The following SS18L1 variants were observed in gnomAD, a reference collection of about 807,000 sequenced individuals.
SS18L1 encodes SS18L1 subunit of BAF chromatin remodeling complex.
In SS18L1, 32 loss-of-function variants were observed where a neutral mutation model predicts 70.3. The ratio of observed to expected loss-of-function variants is 0.46; its 90% CI spans 0.34 to 0.61. The LOEUF is 0.61. Among genes scored for constraint, SS18L1 ranks in the 20% least tolerant of loss-of-function variants. SS18L1 has a pLI of 0.01. For missense variants in SS18L1, 430 were observed against 542.1 expected (o/e 0.79, Z 2.05); for synonymous variants, 237 against 229.7 (o/e 1.03, Z -0.29).
At chr20:62,154,399 C>A in intron 1 of SS18L1, 1 of 1,047,256 alleles carries the variant, frequency 9.5e-7, no homozygotes, top group Non-Finnish European at 1.2e-6. Flanking sequence ...GCGGTTTCGG[C>A]GGACTAGAAT....
intron 1 of SS18L1, among the ~76,000 whole-genome samples, chr20:62,145,670 G>A (rs933350671): frequency 2.0e-5 from 3 of 152,196 alleles, no homozygotes; most frequent in Non-Finnish European, 4.4e-5. Flanking sequence ...GTGGACCGTG[G>A]GTCCCTGGGC....
intron 5 of SS18L1, 147 bp from the exon 6 acceptor site, chr20:62,163,311 A>G: frequency 8.6e-7 from 1 of 1,166,126 alleles, no homozygotes; most frequent in Non-Finnish European, 1.2e-6. Context: ...CACGTAGGGG[A>G]GGCGTGCCTT....
intron 1 of SS18L1, chr20:62,154,163 C>T (rs2057181708): frequency 4.0e-6 from 1 of 250,342 alleles, no homozygotes; most frequent in Admixed American, 6.3e-5. Context: ...ACTGTGACTT[C>T]CCAGTTGTCC....
chr20:62,162,504 A>G lies in SS18L1; in HGVS notation c.377-248A>G, dbSNP rs1404420108. The G allele has an allele frequency of 3.2e-5, 14 of 434,430 alleles. 1 individual carries two copies. In the Admixed American group the frequency reaches 5.3e-4, roughly 16 times the overall value. 26.9% of individuals were successfully genotyped at this position (434,430 alleles called of 1,614,324 possible). A position where few individuals can be genotyped will look rare whatever the true frequency, so the allele number is the denominator to read the frequency against. ...TTTTTAGTAGAGACGGGGTTTCACC[A>G]TGTTGTCCAGGCTGGTTTCGAACTC... On this transcript the variant is annotated intron_variant, in intron 4 of 10. Transcript: ENST00000331758.
At chr20:62,150,327 T>C (rs1031488937) in intron 1 of SS18L1, among the ~76,000 whole-genome samples, 1 of 152,116 alleles carries the variant, frequency 6.6e-6, no homozygotes, top group Admixed American at 6.5e-5. Context: ...GAAGGACTGC[T>C]GATGGGTCAG....
chr20:62,169,096 C>T (rs922526845), intron 8 of SS18L1, among the ~76,000 whole-genome samples: 11 of 152,134 alleles, frequency 7.2e-5, no homozygotes, highest in African/African-American at 2.7e-4. Context: ...GCGAGTCCCG[C>T]GTTCGCGTCA....
At position 62,161,767 on chromosome 20, in the gene SS18L1, C is replaced by G. The variant is rs910221008; in HGVS notation, c.376+187C>G. Among the ~76,000 whole-genome samples, 1 of 152,252 alleles carries G rather than the reference C, an allele frequency of 6.6e-6. No individual in the cohort carries two copies. The highest frequency in any genetic ancestry group is 2.4e-5 in the African/African-American group (1 of 41,468). On this transcript the variant is annotated intron_variant, in intron 4 of 10. Coordinates refer to ENST00000331758, the MANE Select transcript of SS18L1 (RefSeq NM_198935.3). The surrounding 1 kb of genome is among the most constrained non-coding windows in gnomAD (Gnocchi z 4.4). ...GGGCCGCAGCGAGCGTGCCGTGCGG[C>G]TGGGCTGAGCCCCTGCTCCAGTTGT...
At position 62,161,292 on chromosome 20, in the gene SS18L1, G is replaced by A. The variant is rs972687974; in HGVS notation, c.232-144G>A. On this transcript the variant is annotated intron_variant, in intron 3 of 10. Transcript: ENST00000331758. The surrounding 1 kb of genome is among the most constrained non-coding windows in gnomAD (Gnocchi z 4.4). ...TGCTCTGCGGTCACCTGGCTGTGACGATGGCTGCTGATTACGAACATTGAC... is the reference window on the plus strand; with the variant it reads ...TGCTCTGCGGTCACCTGGCTGTGACAATGGCTGCTGATTACGAACATTGAC... The A allele has an allele frequency of 1.2e-5, 14 of 1,169,994 alleles. No homozygotes were observed. Among genetic ancestry groups the A allele is most frequent in the Admixed American group, 3.9e-5 (2 of 50,812 alleles). The allele number at this position is 1,169,994 out of a possible 1,614,324, so 72.5% of individuals were successfully genotyped here.
chr20:62,176,253 C>T (rs2057617819), intron 10 of SS18L1, among the ~76,000 whole-genome samples: 1 of 152,236 alleles, frequency 6.6e-6, no homozygotes, highest in Admixed American at 6.5e-5. Flanking sequence ...CGTGGTGGCC[C>T]ATGCCTGTAA....
rs1449163228 is a variant in SS18L1 at position 62,182,476 on chromosome 20, TC to T, written c.*3269del. ...TGTAATCTCTTAATAAACTGGTTCT[TC>T]AAAAATCATCCTATAAAGTGAGTTT... On this transcript the variant is annotated 3_prime_UTR_variant, in exon 11 of 11. Coordinates refer to ENST00000331758, the MANE Select transcript of SS18L1 (RefSeq NM_198935.3). 1.1e-5 allele frequency: 2 copies of T among 187,352 alleles called. No individual in the cohort carries two copies. The highest frequency in any genetic ancestry group is 1.7e-4 in the East Asian group (2 of 11,516). 11.6% of individuals were successfully genotyped at this position (187,352 alleles called of 1,614,324 possible). A position where few individuals can be genotyped will look rare whatever the true frequency, so the allele number is the denominator to read the frequency against.
At position 62,181,435 on chromosome 20, in the gene SS18L1, A is replaced by AT. The variant is rs1308513705; in HGVS notation, c.*2232dup. 1 of 208,544 alleles carries AT rather than the reference A, an allele frequency of 4.8e-6. No individual in the cohort carries two copies. The allele number at this position is 208,544 out of a possible 1,614,324, so 12.9% of individuals were successfully genotyped here. A position where few individuals can be genotyped will look rare whatever the true frequency, so the allele number is the denominator to read the frequency against. ...TTTTAGATAACTGTGAAGATAGTTT[A>AT]TTTTTATTCCTTGCCAATCTGGGAA... On this transcript the variant is annotated 3_prime_UTR_variant, in exon 11 of 11. Coordinates refer to ENST00000331758, the MANE Select transcript of SS18L1 (RefSeq NM_198935.3).
chr20:62,158,942 G>A lies in SS18L1; in HGVS notation c.146+194G>A, dbSNP rs770663142. 6.3e-7 allele frequency: 1 copy of A among 1,582,432 alleles called. No homozygotes were observed. Among genetic ancestry groups the A allele is most frequent in the African/African-American group, 1.3e-5 (1 of 74,240 alleles). ...TGTCCCAGGAGTCCCCCAGCACGGA[G>A]GTCAGATATGTCCCGAGAGTCCCCC... On this transcript the variant is annotated intron_variant, in intron 2 of 10. Coordinates refer to ENST00000331758, the MANE Select transcript of SS18L1 (RefSeq NM_198935.3). The surrounding 1 kb of genome is among the most constrained non-coding windows in gnomAD (Gnocchi z 4.5).
chr20:62,163,393 T>G (rs2057367645), intron 5 of SS18L1, 65 bp from the exon 6 acceptor site: 3 of 1,555,896 alleles, frequency 1.9e-6, no homozygotes, highest in African/African-American at 1.4e-5. Context: ...CAGGAGGTAG[T>G]TGGGTGTGGG....
At chr20:62,165,603 T>G in intron 8 of SS18L1, 89 bp downstream of exon 8, 5 of 1,207,420 alleles carry the variant, frequency 4.1e-6, no homozygotes, top group Non-Finnish European at 5.9e-6. Context: ...ACGCGGTGCC[T>G]GCCTTCAGTG....
chr20:62,166,231 G>C (rs1442827915), intron 8 of SS18L1, among the ~76,000 whole-genome samples: 4 of 152,226 alleles, frequency 2.6e-5, no homozygotes, highest in Non-Finnish European at 5.9e-5. Context: ...GCGCAACCTC[G>C]TCCGGGAGGG....
At chr20:62,165,374 G>T in intron 7 of SS18L1, 48 bp from the exon 8 acceptor site, 2 of 1,569,596 alleles carry the variant, frequency 1.3e-6, no homozygotes. Flanking sequence ...TCCGGGACCT[G>T]TGCAGTGCAC....
chr20:62,175,377 A>T (rs906204189), intron 10 of SS18L1: 365 of 985,230 alleles, frequency 3.7e-4, no homozygotes, highest in Non-Finnish European at 4.3e-4. Flanking sequence ...GGGCCCCTGG[A>T]GGAGGACAGG....
chr20:62,165,944 C>G (rs1456886426), intron 8 of SS18L1, among the ~76,000 whole-genome samples: 1 of 152,176 alleles, frequency 6.6e-6, no homozygotes, highest in East Asian at 1.9e-4. Flanking sequence ...TGGGTGTGGC[C>G]TCGCGTTTCT....
intron 3 of SS18L1, among the ~76,000 whole-genome samples, chr20:62,160,371 G>GTGGAGAGAGGTGGGA: frequency 7.7e-6 from 1 of 129,334 alleles, no homozygotes; most frequent in African/African-American, 3.1e-5. Context: ...ATGGGGAGAG[G>GTGGAGAGAGGTGGGA]TGGGGAGAGG....
Sources: allele counts gnomAD v4.1 joint callset (sites outside exome capture counted in the v4.1 genomes callset), GRCh38; gene constraint gnomAD v4.1.1; non-coding constraint Gnocchi (gnomAD v3.1); transcripts MANE v1.5; gene names NCBI Gene and HGNC (gene_info 2026-07-23, HGNC 2026-07-21).